Variants in MBOAT7 observed in about 807,000 individuals in gnomAD.
The protein encoded by MBOAT7 is membrane-bound acylglycerophosphatidylinositol O-acyltransferase MBOAT7.
MBOAT7 carries 40 observed loss-of-function variants against 47.4 expected under a neutral mutation model. The observed-to-expected ratio is 0.84, with a 90% confidence interval of 0.66 to 1.10. The LOEUF (loss-of-function observed/expected upper bound fraction) is 1.10. Among genes scored for constraint, MBOAT7 ranks in the 50% least tolerant of loss-of-function variants. The probability of loss-of-function intolerance (pLI) is 0.00; values close to 1 mark genes in which losing one functional copy is unlikely to be tolerated. For synonymous variants in MBOAT7, 361 were observed against 292.0 expected, an observed-to-expected ratio of 1.24 and a Z score of -2.41; for missense variants, 680 against 655.6, an observed-to-expected ratio of 1.04 and a Z score of -0.41.
At position 54,178,933 on chromosome 19, in the gene MBOAT7, T is replaced by G. The variant is rs879020029; in HGVS notation, c.863A>C (p.Lys288Thr). Residue 288 changes from lysine to threonine, a missense_variant, in exon 7 of 8, where the codon AAG becomes ACG. By Grantham distance (78) the Lys-to-Thr change is moderately conservative. Transcript: ENST00000245615. ...ATAGTCATACTCCAAGGAAGCCGCC[T>G]TCTCCGGACTGGGGGGTGGAGGATG... Reference protein sequence around the residue: ...LQCPPPSSPEKAASLEYDYET... With the variant: ...LQCPPPSSPETAASLEYDYET... The G allele has an allele frequency of 6.2e-7, 1 of 1,612,662 alleles. No individual in the cohort carries two copies. The highest frequency in any genetic ancestry group is 1.3e-5 in the African/African-American group (1 of 74,920).
rs2556359 is a variant in MBOAT7 at position 54,173,662 on chromosome 19, G to C, written c.*382C>G. ...GTGGAGCGAAAGACACAAGGAAGAGGCTTCCCACTCCCAGGACCTGCCCCC... is the reference window on the plus strand; with the variant it reads ...GTGGAGCGAAAGACACAAGGAAGAGCCTTCCCACTCCCAGGACCTGCCCCC... On this transcript the variant is annotated 3_prime_UTR_variant, in exon 8 of 8. Coordinates refer to ENST00000245615, the MANE Select transcript of MBOAT7 (RefSeq NM_024298.5). 5,073 of 244,572 alleles carry C rather than the reference G, an allele frequency of 0.021. 85 individuals are homozygous for C. Among genetic ancestry groups the C allele is most frequent in the Non-Finnish European group, 0.031 (3,911 of 127,398 alleles). The allele number at this position is 244,572 out of a possible 1,614,324, so 15.2% of individuals were successfully genotyped here. A position where few individuals can be genotyped will look rare whatever the true frequency, so the allele number is the denominator to read the frequency against.
intron 5 of MBOAT7, 148 bp downstream of exon 5, chr19:54,183,373 A>T (rs1361206622): frequency 2.3e-6 from 2 of 873,318 alleles, no homozygotes; most frequent in Non-Finnish European, 3.5e-6. Context: ...GAGGTGTGAG[A>T]CGTAGACCCA....
chr19:54,186,668 C>T (rs1205416557), intron 4 of MBOAT7, among the ~76,000 whole-genome samples: 2 of 152,186 alleles, frequency 1.3e-5, no homozygotes, highest in African/African-American at 4.8e-5. Context: ...AGCATGACTG[C>T]TGTGTTCACG....
chr19:54,179,091 G>A (rs2076197708), intron 6 of MBOAT7, 150 bp from the exon 7 acceptor site: 5 of 1,129,806 alleles, frequency 4.4e-6, no homozygotes, highest in Non-Finnish European at 6.2e-6. Flanking sequence ...GGGCAGCAAG[G>A]GAGGGTGGCC....
At chr19:54,181,225 G>A in intron 5 of MBOAT7, 92 bp from the exon 6 acceptor site, 1 of 1,405,050 alleles carries the variant, frequency 7.1e-7, no homozygotes, top group Non-Finnish European at 9.3e-7. Context: ...GAAGGAAGGT[G>A]GGAAGAGGGA....
intron 7 of MBOAT7, among the ~76,000 whole-genome samples, chr19:54,177,131 T>A (rs1010976328): frequency 7.7e-5 from 9 of 116,646 alleles, no homozygotes; most frequent in African/African-American, 2.9e-4. Context: ...CTGCACTCCA[T>A]CCTGGGTGAC....
intron 7 of MBOAT7, among the ~76,000 whole-genome samples, chr19:54,176,238 C>T (rs2076105127): frequency 6.6e-6 from 1 of 152,136 alleles, no homozygotes; most frequent in Admixed American, 6.5e-5. Flanking sequence ...ATCCTCTCAC[C>T]TTGGCCTCCC....
At chr19:54,179,349 T>A in intron 6 of MBOAT7, 1 of 216,512 alleles carries the variant, frequency 4.6e-6, no homozygotes, top group Non-Finnish European at 9.3e-6. Flanking sequence ...TCATCCCTAA[T>A]AACAAGGTGC....
chr19:54,187,930 G>A (rs965486077), intron 3 of MBOAT7, among the ~76,000 whole-genome samples: 6 of 151,890 alleles, frequency 4.0e-5, no homozygotes, highest in Admixed American at 1.3e-4. Context: ...CAAGAGAATC[G>A]CTTGAACCCG....
chr19:54,179,192 C>A, intron 6 of MBOAT7: 1 of 572,376 alleles, frequency 1.7e-6, no homozygotes, highest in Middle Eastern at 4.6e-4. Flanking sequence ...CCTAATGGGG[C>A]CCGCCACAGC....
Position 54,187,197 on chromosome 19 carries a change from G to C in MBOAT7, c.297C>G (p.Pro99=). ...GCAGCAGCTGGACGGCATTGGTGAA[G>C]GGCGTGGGAGTGGGCAGGCCCAGGA... The part of the protein sequence containing the change: ...LSLLGLPTPT[P]FTNAVQLLLT... The change falls in exon 4 of 8, where the codon CCC becomes CCG. Residue 99 remains proline (P), a synonymous_variant. Transcript: ENST00000245615. 2 of 1,593,488 alleles carry C rather than the reference G, an allele frequency of 1.3e-6. No homozygotes were observed. The highest frequency in any genetic ancestry group is 1.7e-6 in the Non-Finnish European group (2 of 1,171,640).
chr19:54,175,061 C>T lies in MBOAT7; in HGVS notation c.1032-630G>A, dbSNP rs372529846. ...CGCGATCTTGGCTCACTGCAAGCTC[C>T]GCCTCCCAGGTTCACGCCATTCTCC... On this transcript the variant is annotated intron_variant, in intron 7 of 7. Transcript: ENST00000245615. Among the ~76,000 whole-genome samples the T allele has an allele frequency of 3.6e-4, 54 of 151,396 alleles. No homozygotes were observed. In the East Asian group the frequency reaches 4.9e-3, roughly 14 times the overall value.
chr19:54,175,169 G>A (rs151179818), intron 7 of MBOAT7, among the ~76,000 whole-genome samples: 1,774 of 152,066 alleles, frequency 0.012, 14 homozygotes, highest in Admixed American at 0.024. Context: ...TAGTAGAGAC[G>A]GGGTTTCACC....
chr19:54,175,039 G>A (rs1027842145), intron 7 of MBOAT7, among the ~76,000 whole-genome samples: 16 of 146,312 alleles, frequency 1.1e-4, no homozygotes, highest in Admixed American at 4.1e-4. Context: ...GCAGTGGCGC[G>A]ATCTTGGCTC....
intron 7 of MBOAT7, among the ~76,000 whole-genome samples, chr19:54,177,292 GT>G (rs1196581749): frequency 6.6e-6 from 1 of 151,576 alleles, no homozygotes; most frequent in African/African-American, 2.4e-5. Flanking sequence ...TGTTTTTTGT[GT>G]TTTTTTGTTT....
chr19:54,183,706 G>T (rs1346784985), intron 4 of MBOAT7, 26 bp from the exon 5 acceptor site: 4 of 1,518,720 alleles, frequency 2.6e-6, no homozygotes, highest in Non-Finnish European at 3.5e-6. Flanking sequence ...TGGGCAAGGG[G>T]CCAGGTCAGA....
intron 4 of MBOAT7, among the ~76,000 whole-genome samples, chr19:54,186,431 C>G (rs911658814): frequency 1.3e-5 from 2 of 152,198 alleles, no homozygotes; most frequent in East Asian, 1.9e-4. Flanking sequence ...AATGTCCTCA[C>G]GGTCTCCAGC....
chr19:54,177,911 T>TG (rs2076155795), intron 7 of MBOAT7, among the ~76,000 whole-genome samples: 2 of 66,008 alleles, frequency 3.0e-5, no homozygotes, highest in African/African-American at 8.6e-5. Flanking sequence ...TTTTTTTTTT[T>TG]TTTTTTTTTT....
Position 54,189,564 on chromosome 19 carries a change from G to A in MBOAT7, c.-230C>T, listed in dbSNP as rs529616682. 6.5e-6 allele frequency: 1 copy of A among 152,826 alleles called. No individual in the cohort carries two copies. Among genetic ancestry groups the A allele is most frequent in the African/African-American group, 2.4e-5 (1 of 41,606 alleles). The allele number at this position is 152,826 out of a possible 1,614,324, so 9.5% of individuals were successfully genotyped here. On this transcript the variant is annotated 5_prime_UTR_variant, in exon 1 of 8. Coordinates refer to ENST00000245615, the MANE Select transcript of MBOAT7 (RefSeq NM_024298.5). ...AGAGCGCGAGTCGGCAACGGGATTC[G>A]AGTCCAGGTCCACACTGGGATCCGA...
Sources: allele counts gnomAD v4.1 joint callset (sites outside exome capture counted in the v4.1 genomes callset), GRCh38; gene constraint gnomAD v4.1.1; transcripts MANE v1.5; gene names NCBI Gene and HGNC (gene_info 2026-07-23, HGNC 2026-07-21).